Variants in DYM observed in about 807,000 individuals in gnomAD.
DYM encodes dyggve-Melchior-Clausen syndrome protein.
In DYM, 78 loss-of-function variants were observed where a neutral mutation model predicts 93.1. That is an observed-to-expected ratio of 0.84 (90% CI 0.70 to 1.01). The LOEUF (loss-of-function observed/expected upper bound fraction) is 1.01, where lower values mean the gene tolerates loss of function less well. Ranked by LOEUF, DYM falls within the 50% of genes least tolerant of loss-of-function variation. The probability of loss-of-function intolerance (pLI) is 0.00; values close to 1 mark genes in which losing one functional copy is unlikely to be tolerated. For synonymous variants in DYM, 321 were observed against 319.7 expected (o/e 1.00, Z -0.04); for missense variants, 789 against 845.0 (o/e 0.93, Z 0.82).
At chr18:49,296,249 T>C (rs1227200540) in intron 8 of DYM, among the ~76,000 whole-genome samples, 1 of 152,166 alleles carries the variant, frequency 6.6e-6, no homozygotes, top group Non-Finnish European at 1.5e-5. Context: ...CTAGAAGCAT[T>C]CATATGGAAA....
At chr18:49,219,178 C>T (rs1468373361) in intron 13 of DYM, among the ~76,000 whole-genome samples, 4 of 152,124 alleles carry the variant, frequency 2.6e-5, no homozygotes, top group Non-Finnish European at 5.9e-5. Context: ...AATTCCTCGA[C>T]ACATACACCC....
At chr18:49,253,790 T>C (rs1814881878) in intron 13 of DYM, among the ~76,000 whole-genome samples, 1 of 152,206 alleles carries the variant, frequency 6.6e-6, no homozygotes. Context: ...CCTTAAATTC[T>C]TTTCTTCAAA....
rs1312393172 is a variant in DYM, at chr18:49,257,052, T to A, written c.1418A>T (p.Gln473Leu). The A allele has an allele frequency of 3.1e-6, 5 of 1,614,034 alleles. No individual in the cohort carries two copies. The highest frequency in any genetic ancestry group is 4.2e-6 in the Non-Finnish European group (5 of 1,179,930). Residue 473 changes from glutamine to leucine, a missense_variant, in exon 13 of 18, where the codon CAG becomes CTG. By Grantham distance (113) the Gln-to-Leu change is moderately radical (BLOSUM62 -2). Transcript: ENST00000675505. ...AGCATACTGATGGAGAGAACGAAAC[T>A]GTGCCGACATATTTGCTAAAGCTGC... The part of the protein sequence containing the change: ...CLAALANMSA[Q>L]FRSLHQYAAQ...
chr18:49,198,572 T>A (rs1258822330), intron 14 of DYM, among the ~76,000 whole-genome samples: 2 of 152,080 alleles, frequency 1.3e-5, no homozygotes, highest in African/African-American at 4.8e-5. Context: ...GTGAAGAACA[T>A]GAACAGACAC....
chr18:49,115,933 T>C (rs2081886957), intron 16 of DYM: 2 of 152,322 alleles, frequency 1.3e-5, no homozygotes. Context: ...GGAATCCTTA[T>C]AGCAGTTTTT....
rs983676055 is a variant in DYM at position 49,384,253 on chromosome 18, T to C, written c.194-4495A>G. On this transcript the variant is annotated intron_variant, in intron 3 of 17. Coordinates refer to ENST00000675505, the MANE Select transcript of DYM (RefSeq NM_001353214.3). ...AGGAGGATTGCTTGAGCCCAGGAGG[T>C]TGAAGCTGCAGTGAGCCATGATCAC... Among the ~76,000 whole-genome samples, 3 of 142,856 alleles carry C rather than the reference T, an allele frequency of 2.1e-5. No homozygotes were observed. In the Admixed American group the frequency reaches 2.2e-4, roughly 11 times the overall value. The allele number at this position is 142,856 out of a possible 152,430, so 93.7% of individuals were successfully genotyped here.
intron 5 of DYM, among the ~76,000 whole-genome samples, chr18:49,369,087 C>G (rs1006785560): frequency 6.6e-6 from 1 of 152,174 alleles, no homozygotes; most frequent in African/African-American, 2.4e-5. Flanking sequence ...CACTAGGGGA[C>G]GCTGAAATGT....
intron 17 of DYM, chr18:49,049,724 A>T (rs139567920): frequency 6.5e-6 from 1 of 154,518 alleles, no homozygotes; most frequent in Admixed American, 6.5e-5. Flanking sequence ...TATGATGTTT[A>T]CTATGGCCTG....
chr18:49,097,216 G>A, intron 17 of DYM, 186 bp downstream of exon 17: 1 of 635,866 alleles, frequency 1.6e-6, no homozygotes, highest in South Asian at 1.8e-5. Flanking sequence ...TGTAGGATAT[G>A]CAGTGGCATG....
chr18:49,151,788 T>C (rs914126557), intron 15 of DYM, among the ~76,000 whole-genome samples: 4 of 152,170 alleles, frequency 2.6e-5, no homozygotes, highest in Non-Finnish European at 5.9e-5. Context: ...ATAGGAGACT[T>C]CTTTTCTTCC....
chr18:49,045,779 T>C (rs1425663022), intron 17 of DYM, among the ~76,000 whole-genome samples: 1 of 150,660 alleles, frequency 6.6e-6, no homozygotes, highest in Admixed American at 6.6e-5. Context: ...AAGGCCTGGG[T>C]GTGAGGCTGG....
At chr18:49,331,645 T>C (rs965649343) in intron 8 of DYM, among the ~76,000 whole-genome samples, 4 of 152,270 alleles carry the variant, frequency 2.6e-5, no homozygotes, top group Admixed American at 1.3e-4. Context: ...TGAAAAACGA[T>C]GTTTTGTAGG....
At chr18:49,361,916 G>C (rs760350631) in intron 6 of DYM, among the ~76,000 whole-genome samples, 26 of 152,036 alleles carry the variant, frequency 1.7e-4, no homozygotes, top group Non-Finnish European at 3.1e-4. Context: ...AGTAGAAACG[G>C]GGTTTCACCA....
At chr18:49,080,259 C>A (rs570755520) in intron 17 of DYM, among the ~76,000 whole-genome samples, 1 of 117,644 alleles carries the variant, frequency 8.5e-6, no homozygotes, top group African/African-American at 3.3e-5. Context: ...GGCAGAGGGG[C>A]TCCTCACTTC....
chr18:49,322,427 C>T (rs573634210), intron 8 of DYM, among the ~76,000 whole-genome samples: 80 of 152,064 alleles, frequency 5.3e-4, no homozygotes, highest in African/African-American at 1.9e-3. Context: ...TTCCTTGCTT[C>T]ACCCCTTTTT....
At chr18:49,138,084 A>T (rs2084048019) in intron 15 of DYM, among the ~76,000 whole-genome samples, 1 of 152,196 alleles carries the variant, frequency 6.6e-6, no homozygotes, top group Non-Finnish European at 1.5e-5. Flanking sequence ...AATGTTTAGG[A>T]AGGGGTTTTT....
At chr18:49,398,995 A>ACCAAGAGT (rs1333667858) in intron 2 of DYM, among the ~76,000 whole-genome samples, 1 of 152,216 alleles carries the variant, frequency 6.6e-6, no homozygotes, top group Non-Finnish European at 1.5e-5. Flanking sequence ...GCTGACTGGA[A>ACCAAGAGT]CCAAGAGTTT....
chr18:49,278,146 T>C (rs1191595672), intron 10 of DYM, among the ~76,000 whole-genome samples: 2 of 152,236 alleles, frequency 1.3e-5, no homozygotes, highest in Admixed American at 1.3e-4. Context: ...AAAGGACTAT[T>C]AGTCCATCTA....
At chr18:49,427,756 T>C (rs1292000391) in intron 2 of DYM, among the ~76,000 whole-genome samples, 3 of 152,176 alleles carry the variant, frequency 2.0e-5, no homozygotes, top group Admixed American at 6.6e-5. Flanking sequence ...CAAAATGCAG[T>C]ATATCCATAC....
Sources: allele counts gnomAD v4.1 joint callset (sites outside exome capture counted in the v4.1 genomes callset), GRCh38; gene constraint gnomAD v4.1.1; transcripts MANE v1.5; gene names NCBI Gene and HGNC (gene_info 2026-07-23, HGNC 2026-07-21).